Variants in HACD2 observed in about 807,000 individuals in gnomAD.
The protein encoded by HACD2 is very-long-chain (3R)-3-hydroxyacyl-CoA dehydratase 2.
In HACD2, 15 loss-of-function variants were observed where a neutral mutation model predicts 31.0. That is an observed-to-expected ratio of 0.48 (90% confidence interval 0.32 to 0.75). HACD2 has a LOEUF of 0.75. HACD2 is among the 30% of genes least tolerant of loss of function. HACD2 has a pLI of 0.03. For synonymous variants in HACD2, 115 were observed against 122.2 expected, an observed-to-expected ratio of 0.94 and a Z score of 0.39; for missense variants, 283 against 313.0, an observed-to-expected ratio of 0.90 and a Z score of 0.72.
intron 2 of HACD2, among the ~76,000 whole-genome samples, chr3:123,574,561 A>G (rs1399643276): frequency 6.6e-6 from 1 of 152,198 alleles, no homozygotes. Context: ...TTCTCTTTAA[A>G]TCGAAAAATA....
At chr3:123,568,785 A>G (rs1213892003) in intron 2 of HACD2, among the ~76,000 whole-genome samples, 1 of 152,166 alleles carries the variant, frequency 6.6e-6, no homozygotes, top group African/African-American at 2.4e-5. Flanking sequence ...GAATTTTTAC[A>G]TTTCTCTAGC....
At chr3:123,566,588 G>A (rs1358913250) in intron 3 of HACD2, among the ~76,000 whole-genome samples, 2 of 149,114 alleles carry the variant, frequency 1.3e-5, no homozygotes, top group East Asian at 4.2e-4. Flanking sequence ...CTGGCCCAAG[G>A]TGCAATTCTT....
chr3:123,532,791 G>GCCACTGTA (rs2056379555), intron 3 of HACD2, among the ~76,000 whole-genome samples: 1 of 130,826 alleles, frequency 7.6e-6, no homozygotes, highest in Non-Finnish European at 1.5e-5. Context: ...CCGAAAACGT[G>GCCACTGTA]CCACTGTACT....
intron 3 of HACD2, among the ~76,000 whole-genome samples, chr3:123,538,294 T>C (rs1217452507): frequency 6.6e-6 from 1 of 152,196 alleles, no homozygotes; most frequent in African/African-American, 2.4e-5. Flanking sequence ...CTGAAATCAA[T>C]AGCAAAACTA....
At chr3:123,505,996 C>G (rs1033593612) in intron 4 of HACD2, among the ~76,000 whole-genome samples, 42 of 152,344 alleles carry the variant, frequency 2.8e-4, no homozygotes, top group African/African-American at 9.9e-4. Context: ...GGGGGCTGAG[C>G]TGGCCTGGGG....
At chr3:123,567,541 C>G (rs930591553) in intron 3 of HACD2, among the ~76,000 whole-genome samples, 1 of 152,084 alleles carries the variant, frequency 6.6e-6, no homozygotes, top group African/African-American at 2.4e-5. Flanking sequence ...ATTAACAGAA[C>G]AAAATAGCTG....
intron 3 of HACD2, among the ~76,000 whole-genome samples, chr3:123,534,798 T>TTGTGGGTGTGTGTGTG (rs1553759159): frequency 6.7e-6 from 1 of 149,090 alleles, no homozygotes; most frequent in African/African-American, 2.5e-5. Context: ...AGACGTAGGC[T>TTGTGGGTGTGTGTGTG]TGTGTGTGTG....
intron 5 of HACD2, among the ~76,000 whole-genome samples, chr3:123,501,635 T>C (rs2055903149): frequency 6.6e-6 from 1 of 152,126 alleles, no homozygotes; most frequent in Admixed American, 6.5e-5. Flanking sequence ...AAAGAATCTT[T>C]CTCCAACAGT....
In HACD2 at chr3:123,518,993, A is replaced by G. The variant is rs567860545; in HGVS notation, c.381+9393T>C. Among the ~76,000 whole-genome samples, 236 of 139,390 alleles carry G rather than the reference A, an allele frequency of 1.7e-3. 1 individual carries two copies. Among genetic ancestry groups the G allele is most frequent in the African/African-American group, 6.2e-3 (223 of 35,944 alleles). 91.4% of individuals were successfully genotyped at this position (139,390 alleles called of 152,430 possible). ...GCCTGGATGACAGAGTGAGACTCCAACTAAAAAAAAAAAAAAAAAAAAAAA... is the reference window on the plus strand; with the variant it reads ...GCCTGGATGACAGAGTGAGACTCCAGCTAAAAAAAAAAAAAAAAAAAAAAA... On this transcript the variant is annotated intron_variant, in intron 4 of 6. Coordinates refer to ENST00000383657, the MANE Select transcript of HACD2 (RefSeq NM_198402.5).
At chr3:123,577,054 C>A (rs572077754) in intron 2 of HACD2, among the ~76,000 whole-genome samples, 16 of 152,084 alleles carry the variant, frequency 1.1e-4, no homozygotes, top group Admixed American at 7.9e-4. Context: ...TTCCAGGACA[C>A]GATCAGAAAT....
intron 2 of HACD2, among the ~76,000 whole-genome samples, chr3:123,575,187 T>A (rs2056895289): frequency 6.6e-6 from 1 of 152,036 alleles, no homozygotes; most frequent in South Asian, 2.1e-4. Flanking sequence ...ATAACTTACT[T>A]CAGCCTGAAA....
At chr3:123,553,077 CA>C (rs2056637001) in intron 3 of HACD2, among the ~76,000 whole-genome samples, 1 of 152,010 alleles carries the variant, frequency 6.6e-6, no homozygotes, top group African/African-American at 2.4e-5. Context: ...CTTTCAGAAA[CA>C]AAAGAAGGCC....
chr3:123,525,561 A>T (rs1281214923), intron 4 of HACD2, among the ~76,000 whole-genome samples: 1 of 152,224 alleles, frequency 6.6e-6, no homozygotes, highest in Non-Finnish European at 1.5e-5. Flanking sequence ...GTCTAGTCTG[A>T]AAAGGTTATA....
At chr3:123,500,093 G>C (rs1275386160) in intron 6 of HACD2, among the ~76,000 whole-genome samples, 1 of 152,178 alleles carries the variant, frequency 6.6e-6, no homozygotes, top group African/African-American at 2.4e-5. Flanking sequence ...TCAAAATGAA[G>C]TTAAATGTCT....
chr3:123,518,191 C>CAAA (rs1192537288), intron 4 of HACD2, among the ~76,000 whole-genome samples: 2 of 135,362 alleles, frequency 1.5e-5, no homozygotes, highest in African/African-American at 7.2e-5. Flanking sequence ...GACTCCGTCT[C>CAAA]AAAAAAAAAA....
intron 4 of HACD2, among the ~76,000 whole-genome samples, chr3:123,525,242 G>A (rs2056266149): frequency 6.6e-6 from 1 of 152,054 alleles, no homozygotes; most frequent in African/African-American, 2.4e-5. Flanking sequence ...AGGTGGATGG[G>A]GTATTTGCTA....
At chr3:123,564,846 C>T (rs1338455018) in intron 3 of HACD2, among the ~76,000 whole-genome samples, 2 of 152,190 alleles carry the variant, frequency 1.3e-5, no homozygotes, top group Non-Finnish European at 2.9e-5. Context: ...ACAGACAGAA[C>T]AAGGTCCTTG....
chr3:123,502,685 A>C lies in HACD2; in HGVS notation c.382-4T>G. ...GGACACTGTCTTCACTCTGTACCTG[A>C]AGGAAGAGGAAAACAAAAGAAAAAA... On this transcript the variant is annotated splice_polypyrimidine_tract_variant and splice_region_variant and intron_variant, in intron 4 of 6. Transcript: ENST00000383657. 1 of 1,594,464 alleles carries C rather than the reference A, an allele frequency of 6.3e-7. No homozygotes were observed. Among genetic ancestry groups the C allele is most frequent in the South Asian group, 1.1e-5 (1 of 87,660 alleles).
At chr3:123,497,020 T>A (rs1187758211) in intron 6 of HACD2, among the ~76,000 whole-genome samples, 1 of 152,166 alleles carries the variant, frequency 6.6e-6, no homozygotes, top group Non-Finnish European at 1.5e-5. Context: ...CTCCCAGAGA[T>A]TCCTCAGTAC....
Sources: gnomAD v4.1 joint callset for allele counts (sites outside exome capture counted in the v4.1 genomes callset) on GRCh38, gnomAD v4.1.1 for gene constraint, MANE v1.5 for transcripts, NCBI Gene and HGNC (gene_info 2026-07-23, HGNC 2026-07-21) for gene names.